Variants in PAFAH1B2 observed in about 807,000 individuals in gnomAD.
The protein encoded by PAFAH1B2 is platelet-activating factor acetylhydrolase IB subunit alpha2.
PAFAH1B2 carries 8 observed loss-of-function variants against 28.0 expected under a neutral mutation model. The ratio of observed to expected loss-of-function variants is 0.29; its 90% confidence interval spans 0.17 to 0.52. PAFAH1B2 has a LOEUF of 0.52. Among genes scored for constraint, PAFAH1B2 ranks in the 20% least tolerant of loss-of-function variants. PAFAH1B2 has a pLI of 0.97. For synonymous variants in PAFAH1B2, 104 were observed against 103.2 expected, an observed-to-expected ratio of 1.01 and a Z score of -0.05; for missense variants, 190 against 282.6, an observed-to-expected ratio of 0.67 and a Z score of 2.35.
intron 2 of PAFAH1B2, 96 bp downstream of exon 2, chr11:117,152,624 C>T (rs1432596593): frequency 1.2e-6 from 1 of 857,788 alleles, no homozygotes; most frequent in Admixed American, 1.9e-5. Context: ...CACTGTGTTG[C>T]CCAGGCTGAT....
intron 5 of PAFAH1B2, among the ~76,000 whole-genome samples, chr11:117,165,945 TTC>T (rs1366759864): frequency 6.6e-6 from 1 of 152,104 alleles, no homozygotes; most frequent in East Asian, 1.9e-4. Flanking sequence ...GTTCAAGTGA[TTC>T]TTCTGCCTCA....
At chr11:117,154,299 GGAAAA>G (rs764258325) in intron 2 of PAFAH1B2, among the ~76,000 whole-genome samples, 15 of 151,960 alleles carry the variant, frequency 9.9e-5, no homozygotes, top group African/African-American at 1.5e-4. Context: ...ACGAAGGAAA[GGAAAA>G]GAAAAGAAAA....
chr11:117,164,624 G>C (rs1320574828), intron 5 of PAFAH1B2, among the ~76,000 whole-genome samples: 2 of 152,170 alleles, frequency 1.3e-5, no homozygotes, highest in Non-Finnish European at 2.9e-5. Flanking sequence ...AATTTCATCA[G>C]CAAGAAAATG....
intron 4 of PAFAH1B2, among the ~76,000 whole-genome samples, chr11:117,161,517 T>A (rs1349324922): frequency 6.6e-6 from 1 of 151,518 alleles, no homozygotes; most frequent in Non-Finnish European, 1.5e-5. Context: ...GAAGAGTTTT[T>A]TTTTTTTTTG....
At chr11:117,161,846 T>G (rs1956377552) in intron 4 of PAFAH1B2, among the ~76,000 whole-genome samples, 2 of 152,072 alleles carry the variant, frequency 1.3e-5, no homozygotes, top group Admixed American at 1.3e-4. Flanking sequence ...TATGCTATTC[T>G]GTGGAATGCA....
At chr11:117,159,700 A>G (rs990914437) in intron 2 of PAFAH1B2, 1 of 453,178 alleles carries the variant, frequency 2.2e-6, no homozygotes, top group Non-Finnish European at 4.0e-6. Flanking sequence ...ACGCCACTGT[A>G]CTCCAGCCTG....
chr11:117,169,726 G>A lies in PAFAH1B2; in HGVS notation c.*2027G>A. On this transcript the variant is annotated 3_prime_UTR_variant, in exon 6 of 6. Transcript: ENST00000527958. ...TTTTATTTTTAGTAGCCCAGGTTGA[G>A]TTTTTCACAAGAGATTTTTTTCTTA... 1 of 1,058,018 alleles carries A rather than the reference G, an allele frequency of 9.5e-7. No individual in the cohort carries two copies. The highest frequency in any genetic ancestry group is 1.1e-6 in the Non-Finnish European group (1 of 874,928). The allele number at this position is 1,058,018 out of a possible 1,614,324, so 65.5% of individuals were successfully genotyped here. A position where few individuals can be genotyped will look rare whatever the true frequency, so the allele number is the denominator to read the frequency against.
In PAFAH1B2 at chr11:117,153,986, G is replaced by A. The variant is rs138891322; in HGVS notation, c.81+1458G>A. On this transcript the variant is annotated intron_variant, in intron 2 of 5. Transcript: ENST00000527958. ...TGGCTCATGCCTGTAATCCCAGCAC[G>A]TTAGGAGGCCAGGGCAGGTTGGGAA... Among the ~76,000 whole-genome samples the A allele has an allele frequency of 3.8e-3, 562 of 149,312 alleles. 2 individuals are homozygous for A. Among genetic ancestry groups the A allele is most frequent in the African/African-American group, 0.013 (536 of 40,442 alleles).
At chr11:117,177,063 C>T (rs1374776295), downstream of PAFAH1B2, among the ~76,000 whole-genome samples, 1 of 151,680 alleles carries the variant, frequency 6.6e-6, no homozygotes, top group African/African-American at 2.4e-5. Context: ...CAAAAATTAG[C>T]TGGGCGTGGT....
downstream of PAFAH1B2, among the ~76,000 whole-genome samples, chr11:117,174,389 G>A (rs1343407087): frequency 6.6e-6 from 1 of 151,836 alleles, no homozygotes; most frequent in Non-Finnish European, 1.5e-5. Flanking sequence ...TCACCATGTT[G>A]GCCAGGCTGG....
intron 2 of PAFAH1B2, among the ~76,000 whole-genome samples, chr11:117,158,011 G>A (rs12420250): frequency 0.054 from 8,154 of 152,048 alleles, 258 homozygotes; most frequent in Middle Eastern, 0.1. Context: ...GGTGGTGGGC[G>A]CCTGTAATCC....
intron 1 of PAFAH1B2, among the ~76,000 whole-genome samples, chr11:117,150,920 G>A (rs1371895754): frequency 2.0e-5 from 3 of 151,082 alleles, no homozygotes; most frequent in East Asian, 2.0e-4. Flanking sequence ...CCCGGGAGGC[G>A]GAGCTTGCAG....
rs577308808 is a variant in PAFAH1B2, at chr11:117,165,147, G to A, written c.411+1255G>A. ...ATTTTTTGTATTTTTAGTAGAGATG[G>A]GGTTTCACCGTGTTAGCCATGGTCT... On this transcript the variant is annotated intron_variant, in intron 5 of 5. Transcript: ENST00000527958. Among the ~76,000 whole-genome samples the A allele has an allele frequency of 3.3e-5, 5 of 151,502 alleles. No homozygotes were observed. In the East Asian group the frequency reaches 1.0e-3, roughly 30 times the overall value.
downstream of PAFAH1B2, among the ~76,000 whole-genome samples, chr11:117,173,582 C>T (rs920947994): frequency 6.6e-6 from 1 of 152,190 alleles, no homozygotes; most frequent in Non-Finnish European, 1.5e-5. Flanking sequence ...GCCTCGCCTC[C>T]TTATGTGCCA....
At chr11:117,172,620 G>A (rs1267991080), downstream of PAFAH1B2, among the ~76,000 whole-genome samples, 1 of 151,984 alleles carries the variant, frequency 6.6e-6, no homozygotes, top group African/African-American at 2.4e-5. Context: ...TCTGCCAAGA[G>A]CACTGAGCTT....
rs773437937 is a variant in PAFAH1B2, at chr11:117,163,829, T to C, written c.348T>C (p.Gly116=). The change falls in exon 5 of 6, where the codon GGT becomes GGC. Residue 116 remains glycine, a synonymous_variant. Transcript: ENST00000527958. Reference sequence around the variant, plus strand: ...AAAATACAGCAGAAGAAGTAGCAGGTGGGATCGAGGCCATTGTACAACTTA... The same window carrying C: ...AAAATACAGCAGAAGAAGTAGCAGGCGGGATCGAGGCCATTGTACAACTTA... ...NHENTAEEVA[G]GIEAIVQLIN... The C allele has an allele frequency of 1.4e-5, 23 of 1,613,812 alleles. No individual in the cohort carries two copies. The highest frequency in any genetic ancestry group is 1.9e-5 in the Non-Finnish European group (22 of 1,179,902).
intron 5 of PAFAH1B2, 119 bp downstream of exon 5, chr11:117,164,011 T>C: frequency 2.9e-6 from 3 of 1,022,360 alleles, no homozygotes; most frequent in Non-Finnish European, 4.4e-6. Flanking sequence ...TTTATCATAC[T>C]TTCGTTGACC....
downstream of PAFAH1B2, chr11:117,171,716 CACCAGCAACTACCAG>C (rs1462612194): frequency 6.5e-7 from 1 of 1,535,800 alleles, no homozygotes; most frequent in Non-Finnish European, 8.7e-7. Context: ...CCTGATGACA[CACCAGCAACTACCAG>C]GCCAGCAATA....
intron 2 of PAFAH1B2, among the ~76,000 whole-genome samples, chr11:117,154,969 C>T (rs1020753764): frequency 5.3e-5 from 8 of 151,950 alleles, no homozygotes; most frequent in African/African-American, 1.9e-4. Context: ...TGATATTTTG[C>T]GTAATAAAAA....
Sources: allele counts gnomAD v4.1 joint callset (sites outside exome capture counted in the v4.1 genomes callset), GRCh38; gene constraint gnomAD v4.1.1; transcripts MANE v1.5; gene names NCBI Gene and HGNC (gene_info 2026-07-23, HGNC 2026-07-21).